MGAT5: variants seen among roughly 807,000 people sequenced by gnomAD.
MGAT5 encodes alpha-1,6-mannosylglycoprotein 6-beta-N-acetylglucosaminyltransferase A.
In MGAT5, 30 loss-of-function variants were observed where a neutral mutation model predicts 94.3. That is an observed-to-expected ratio of 0.32 (90% CI 0.24 to 0.43). The LOEUF (loss-of-function observed/expected upper bound fraction) is 0.43. MGAT5 is among the 20% of genes least tolerant of loss of function. The probability of loss-of-function intolerance (pLI) is 1.00; values close to 1 mark genes in which losing one functional copy is unlikely to be tolerated. For missense variants in MGAT5, 691 were observed against 905.5 expected (o/e 0.76, Z 3.04); for synonymous variants, 310 against 322.9 (o/e 0.96, Z 0.43).
chr2:134,372,247 C>T (rs756957528), intron 10 of MGAT5, among the ~76,000 whole-genome samples: 8 of 152,180 alleles, frequency 5.3e-5, no homozygotes, highest in Non-Finnish European at 1.2e-4. Context: ...TTTGTTTTAC[C>T]TCGGTTGCAT....
intron 9 of MGAT5, among the ~76,000 whole-genome samples, chr2:134,360,042 C>T (rs963256424): frequency 6.6e-5 from 10 of 152,186 alleles, no homozygotes; most frequent in African/African-American, 2.4e-4. Context: ...CAGGCCTTGG[C>T]TCATTAAACG....
intron 9 of MGAT5, among the ~76,000 whole-genome samples, chr2:134,351,491 T>C (rs995581503): frequency 6.6e-6 from 1 of 152,104 alleles, no homozygotes; most frequent in Non-Finnish European, 1.5e-5. Flanking sequence ...TCTTTTTTCC[T>C]AGAAAACATA....
At chr2:134,278,378 A>C (rs1324817650) in intron 2 of MGAT5, among the ~76,000 whole-genome samples, 10 of 152,156 alleles carry the variant, frequency 6.6e-5, no homozygotes, top group Non-Finnish European at 1.5e-4. Context: ...GCTGCTTTCC[A>C]GGAAGTTTTG....
chr2:134,422,982 A>G (rs1574068927), intron 13 of MGAT5, 63 bp downstream of exon 13: 4 of 1,187,512 alleles, frequency 3.4e-6, no homozygotes, highest in East Asian at 4.8e-5. Flanking sequence ...TATAAAACAC[A>G]TCATAGGTCC....
intron 1 of MGAT5, among the ~76,000 whole-genome samples, chr2:134,264,018 T>G (rs1558742840): frequency 2.0e-5 from 2 of 101,376 alleles, no homozygotes; most frequent in African/African-American, 5.9e-5. Flanking sequence ...TGCCATTAGG[T>G]TTTTTTTTTT....
intron 1 of MGAT5, among the ~76,000 whole-genome samples, chr2:134,143,034 C>G (rs1686735376): frequency 6.6e-6 from 1 of 152,012 alleles, no homozygotes; most frequent in South Asian, 2.1e-4. Context: ...AAATGTGAGA[C>G]AGGCCCTCCT....
At chr2:134,271,942 C>G (rs1279542896) in intron 2 of MGAT5, among the ~76,000 whole-genome samples, 2 of 152,206 alleles carry the variant, frequency 1.3e-5, no homozygotes, top group Non-Finnish European at 2.9e-5. Context: ...GGTTTCATCA[C>G]TGTTCTGTGT....
At chr2:134,352,001 A>T (rs945571447) in intron 9 of MGAT5, among the ~76,000 whole-genome samples, 16 of 152,296 alleles carry the variant, frequency 1.1e-4, no homozygotes, top group African/African-American at 3.8e-4. Flanking sequence ...GCACCAAGAT[A>T]CCATGCCCCA....
chr2:134,431,357 C>G (rs1684864881), intron 14 of MGAT5, among the ~76,000 whole-genome samples: 2 of 152,076 alleles, frequency 1.3e-5, no homozygotes, highest in South Asian at 4.2e-4. Flanking sequence ...CCAAATGTTC[C>G]TAAATGAGCA....
intron 2 of MGAT5, among the ~76,000 whole-genome samples, chr2:134,284,001 G>A (rs1348286660): frequency 6.6e-6 from 1 of 152,122 alleles, no homozygotes; most frequent in East Asian, 1.9e-4. Context: ...TCAGGAGGCT[G>A]GGATTAAGCC....
chr2:134,434,930 T>C (rs1685086925), intron 14 of MGAT5, among the ~76,000 whole-genome samples: 1 of 152,140 alleles, frequency 6.6e-6, no homozygotes, highest in Admixed American at 6.5e-5. Context: ...TGGGAGACTT[T>C]AATAGTCATT....
intron 10 of MGAT5, among the ~76,000 whole-genome samples, chr2:134,398,839 C>T (rs1682866120): frequency 1.3e-5 from 2 of 152,150 alleles, no homozygotes; most frequent in South Asian, 2.1e-4. Context: ...CGAATGTTCT[C>T]ACTCCTATGT....
chr2:134,236,768 G>C (rs1010878807), intron 1 of MGAT5, among the ~76,000 whole-genome samples: 2 of 152,174 alleles, frequency 1.3e-5, no homozygotes, highest in African/African-American at 4.8e-5. Context: ...CTCTGTGGGA[G>C]TGGTGGTGGG....
intron 1 of MGAT5, among the ~76,000 whole-genome samples, chr2:134,245,234 G>T (rs1220478435): frequency 6.6e-6 from 1 of 152,108 alleles, no homozygotes; most frequent in Non-Finnish European, 1.5e-5. Flanking sequence ...GGATGGTCTC[G>T]ACCTCCCAAC....
In MGAT5 at chr2:134,450,642, A is replaced by G. The variant is rs626540; in HGVS notation, c.*1795A>G. ...CTCCTCCACTCCTTAGGTGGCCCCC[A>G]AGCACATCTGCCAGGTAGAGTACCA... On this transcript the variant is annotated 3_prime_UTR_variant, in exon 16 of 16. Transcript: ENST00000281923. 0.7 allele frequency: 105,739 copies of G among 152,068 alleles called. 37,012 individuals are homozygous for G. The highest frequency in any genetic ancestry group is 0.81 in the South Asian group (3,918 of 4,820). 9.4% of individuals were successfully genotyped at this position (152,068 alleles called of 1,614,324 possible).
At chr2:134,159,862 C>G (rs1439622901) in intron 1 of MGAT5, among the ~76,000 whole-genome samples, 1 of 152,190 alleles carries the variant, frequency 6.6e-6, no homozygotes, top group Non-Finnish European at 1.5e-5. Context: ...CTCCTCTTCT[C>G]TCCTTACTCC....
intron 1 of MGAT5, among the ~76,000 whole-genome samples, chr2:134,264,017 GTTTTTTTTTTT>G (rs763608726): frequency 9.2e-6 from 1 of 108,944 alleles, no homozygotes; most frequent in Non-Finnish European, 1.8e-5. Flanking sequence ...ATGCCATTAG[GTTTTTTTTTTT>G]TTTTTTTTTT....
chr2:134,279,557 A>G (rs1292416323), intron 2 of MGAT5, among the ~76,000 whole-genome samples: 2 of 152,244 alleles, frequency 1.3e-5, no homozygotes, highest in Non-Finnish European at 2.9e-5. Context: ...AAGTGAGACT[A>G]TATATATCCC....
At chr2:134,305,249 C>T (rs1057227074) in intron 2 of MGAT5, among the ~76,000 whole-genome samples, 9 of 152,244 alleles carry the variant, frequency 5.9e-5, no homozygotes, top group African/African-American at 9.6e-5. Context: ...TTATGCGAGA[C>T]GGTGAAAACA....
Sources: allele counts gnomAD v4.1 joint callset (sites outside exome capture counted in the v4.1 genomes callset), GRCh38; gene constraint gnomAD v4.1.1; transcripts MANE v1.5; gene names NCBI Gene and HGNC (gene_info 2026-07-23, HGNC 2026-07-21).